The following WDR27 variants were observed in gnomAD, a reference collection of about 807,000 sequenced individuals.
WDR27 encodes WD repeat-containing protein 27.
In WDR27, 100 loss-of-function variants were observed where a neutral mutation model predicts 114.4. The ratio of observed to expected loss-of-function variants is 0.87; its 90% CI spans 0.74 to 1.03. WDR27 has a LOEUF of 1.03. Among genes scored for constraint, WDR27 ranks in the 50% least tolerant of loss-of-function variants. WDR27 has a pLI of 0.00. For synonymous variants in WDR27, 449 were observed against 423.1 expected (o/e 1.06, Z -0.75); for missense variants, 1,129 against 1,092.9 (o/e 1.03, Z -0.47).
intron 14 of WDR27, among the ~76,000 whole-genome samples, chr6:169,650,127 A>C: frequency 7.4e-6 from 1 of 135,076 alleles, no homozygotes; most frequent in Non-Finnish European, 1.6e-5. Context: ...CCACTCACTC[A>C]TCCATCTCTC....
intron 21 of WDR27, among the ~76,000 whole-genome samples, chr6:169,618,527 T>C (rs930267880): frequency 1.4e-5 from 2 of 140,344 alleles, no homozygotes; most frequent in Non-Finnish European, 3.0e-5. Flanking sequence ...AATACAATAC[T>C]AAAATGAATT....
chr6:169,466,177 T>C (rs1279290285), intron 25 of WDR27, among the ~76,000 whole-genome samples: 1 of 152,150 alleles, frequency 6.6e-6, no homozygotes, highest in South Asian at 2.1e-4. Context: ...ACCCAATATA[T>C]TGGTTAGGAT....
chr6:169,471,719 G>C (rs539359576), intron 25 of WDR27, among the ~76,000 whole-genome samples: 1 of 152,250 alleles, frequency 6.6e-6, no homozygotes, highest in Non-Finnish European at 1.5e-5. Flanking sequence ...TAGTTTTAAG[G>C]TGTCCCAATA....
At chr6:169,492,108 T>A (rs1385834409) in intron 25 of WDR27, among the ~76,000 whole-genome samples, 1 of 151,964 alleles carries the variant, frequency 6.6e-6, no homozygotes, top group Non-Finnish European at 1.5e-5. Flanking sequence ...ATGCTTATAG[T>A]CTGCAAAGAG....
At chr6:169,582,725 T>C (rs1803711874) in intron 24 of WDR27, 111 bp downstream of exon 24, 2 of 764,668 alleles carry the variant, frequency 2.6e-6, no homozygotes, top group East Asian at 2.8e-5. Context: ...AACACTGGCA[T>C]GTAACCTTAA....
intron 25 of WDR27, among the ~76,000 whole-genome samples, chr6:169,531,335 T>C (rs1328663275): frequency 6.6e-6 from 1 of 152,200 alleles, no homozygotes; most frequent in South Asian, 2.1e-4. Context: ...CCAGTAAAGA[T>C]TACTGCCTTT....
At chr6:169,546,483 G>A (rs923428325) in intron 25 of WDR27, among the ~76,000 whole-genome samples, 2 of 152,100 alleles carry the variant, frequency 1.3e-5, no homozygotes, top group East Asian at 1.9e-4. Flanking sequence ...AGAGCCGTGG[G>A]GACACTGAGG....
At chr6:169,574,548 G>C (rs1205398646) in intron 24 of WDR27, among the ~76,000 whole-genome samples, 1 of 152,150 alleles carries the variant, frequency 6.6e-6, no homozygotes, top group Non-Finnish European at 1.5e-5. Context: ...TGACACACTC[G>C]AAAGCAGGGT....
At chr6:169,559,934 T>C (rs1799456026) in intron 25 of WDR27, 1 of 152,226 alleles carries the variant, frequency 6.6e-6, no homozygotes, top group Admixed American at 6.5e-5. Flanking sequence ...TTACCTGCGA[T>C]AGGAAGGTAA....
chr6:169,664,063 T>C (rs993467590), intron 8 of WDR27, 103 bp downstream of exon 8: 40 of 1,116,258 alleles, frequency 3.6e-5, no homozygotes, highest in Admixed American at 1.2e-4. Flanking sequence ...TTCTCCTACA[T>C]TGGGATCTCT....
chr6:169,687,202 T>C (rs945327772), intron 2 of WDR27, among the ~76,000 whole-genome samples: 4 of 152,158 alleles, frequency 2.6e-5, no homozygotes, highest in Non-Finnish European at 5.9e-5. Context: ...ATTATCCTGA[T>C]TTGATCATAA....
In WDR27 at chr6:169,647,792, T is replaced by C. The variant is rs746681683; in HGVS notation, c.1638A>G (p.Val546=). 4 of 1,584,044 alleles carry C rather than the reference T, an allele frequency of 2.5e-6. No individual in the cohort carries two copies. Among genetic ancestry groups the C allele is most frequent in the Non-Finnish European group, 3.4e-6 (4 of 1,165,458 alleles). ...GCGCACCTGAGTACTGGATGCAGCATACACGTGTGCAGGTGGGGGCGGCAG... is the reference window on the plus strand; with the variant it reads ...GCGCACCTGAGTACTGGATGCAGCACACACGTGTGCAGGTGGGGGCGGCAG... ...QVAAAPTCTR[V]CCIQYSGDGQ... The change falls in exon 16 of 26, where the codon GTA becomes GTG. Residue 546 remains valine (V), a synonymous_variant. Transcript: ENST00000448612.
At chr6:169,683,575 G>T (rs1462775528) in intron 2 of WDR27, among the ~76,000 whole-genome samples, 1 of 152,016 alleles carries the variant, frequency 6.6e-6, no homozygotes, top group Non-Finnish European at 1.5e-5. Context: ...GATTTGACTA[G>T]AGTGTGGAAG....
rs1211512603 is a variant in WDR27 at position 169,662,331 on chromosome 6, G to A, written c.998C>T (p.Ser333Leu). The A allele has an allele frequency of 1.2e-6, 2 of 1,613,930 alleles. No homozygotes were observed. The highest frequency in any genetic ancestry group is 1.1e-5 in the South Asian group (1 of 91,074). Reference sequence around the variant, plus strand: ...TCCACATGCAGAATTTGGGATGAGTGAGAGATCACAGGGTGCAAGTCTCAG... The same window carrying A: ...TCCACATGCAGAATTTGGGATGAGTAAGAGATCACAGGGTGCAAGTCTCAG... ...PVLRLAPCDLSLIPNSACGCL... is the reference protein window; with the variant it reads ...PVLRLAPCDLLLIPNSACGCL... The change falls in exon 9 of 26, where the codon TCA becomes TTA. Residue 333 changes from serine to leucine, a missense_variant. Transcript: ENST00000448612.
Position 169,516,835 on chromosome 6 carries a change from A to C in WDR27, c.2645+55584T>G, listed in dbSNP as rs549028712. Among the ~76,000 whole-genome samples, 724 of 144,658 alleles carry C rather than the reference A, an allele frequency of 5.0e-3. 3 individuals are homozygous for C. The highest frequency in any genetic ancestry group is 8.5e-3 in the Non-Finnish European group (561 of 66,300). 94.9% of individuals were successfully genotyped at this position (144,658 alleles called of 152,430 possible). A position where few individuals can be genotyped will look rare whatever the true frequency, so the allele number is the denominator to read the frequency against. On this transcript the variant is annotated intron_variant, in intron 25 of 25. Transcript: ENST00000448612. The stretch of plus-strand genomic sequence containing the variant: ...CACACACACACACACACACACACAC[A>C]CCCCTCCCTTAGCAAAGACTGAAAG...
chr6:169,565,919 C>T (rs879536727), intron 25 of WDR27, among the ~76,000 whole-genome samples: 2 of 152,174 alleles, frequency 1.3e-5, no homozygotes, highest in Non-Finnish European at 2.9e-5. Flanking sequence ...GTTGGGATTA[C>T]AGGCGTGAGC....
At chr6:169,534,783 T>C (rs1796026306) in intron 25 of WDR27, among the ~76,000 whole-genome samples, 1 of 152,022 alleles carries the variant, frequency 6.6e-6, no homozygotes, top group African/African-American at 2.4e-5. Context: ...CTCTTTTTTT[T>C]TCTTGGTCAG....
chr6:169,687,529 T>C (rs185684369), intron 2 of WDR27, among the ~76,000 whole-genome samples: 2 of 152,326 alleles, frequency 1.3e-5, no homozygotes, highest in East Asian at 3.9e-4. Context: ...GGTACCACTA[T>C]GCCCTTTTCG....
chr6:169,585,949 C>CA (rs1453959486), intron 23 of WDR27, among the ~76,000 whole-genome samples: 1 of 152,118 alleles, frequency 6.6e-6, no homozygotes, highest in East Asian at 1.9e-4. Context: ...CATATGGTAC[C>CA]AATCCTTCTC....
Sources: allele counts gnomAD v4.1 joint callset (sites outside exome capture counted in the v4.1 genomes callset), GRCh38; gene constraint gnomAD v4.1.1; transcripts MANE v1.5; gene names NCBI Gene and HGNC (gene_info 2026-07-23, HGNC 2026-07-21).